Variants in EYS observed in about 807,000 individuals in gnomAD.
EYS encodes the protein EGF-like photoreceptor maintenance factor, also known as protein eyes shut homolog.
EYS carries 250 observed loss-of-function variants against 282.1 expected under a neutral mutation model. The observed-to-expected ratio is 0.89, with a 90% CI of 0.80 to 0.98. The LOEUF (loss-of-function observed/expected upper bound fraction) is 0.98, where lower values mean the gene tolerates loss of function less well. Among genes scored for constraint, EYS ranks in the 50% least tolerant of loss-of-function variants. EYS has a pLI of 0.00. For missense variants in EYS, 4,016 were observed against 3,709.0 expected (o/e 1.08, Z -2.15); for synonymous variants, 1,355 against 1,282.9 (o/e 1.06, Z -1.20).
intron 12 of EYS, among the ~76,000 whole-genome samples, chr6:65,095,920 C>T (rs970662728): frequency 6.6e-6 from 1 of 150,848 alleles, no homozygotes; most frequent in Admixed American, 6.6e-5. Context: ...AACTTCCATT[C>T]AACATAGTAC....
intron 22 of EYS, among the ~76,000 whole-genome samples, chr6:64,792,278 GAAT>G (rs1365657368): frequency 6.6e-6 from 1 of 151,890 alleles, no homozygotes; most frequent in Non-Finnish European, 1.5e-5. Flanking sequence ...ATGGTAAGAA[GAAT>G]GTGTCTGTAA....
chr6:63,721,726 T>C lies in EYS; in HGVS notation c.8305A>G (p.Ile2769Val). 1 of 1,550,976 alleles carries C rather than the reference T, an allele frequency of 6.4e-7. No individual in the cohort carries two copies. Among genetic ancestry groups the C allele is most frequent in the Non-Finnish European group, 8.7e-7 (1 of 1,146,322 alleles). ...GTTACTTTTTGGAGAGTTTCTAGAA[T>C]GATAGTTCTGTCGCCAAGGTTGTAG... ...LRYNLGDRTI[I>V]LETLQKVTIN... is the part of the protein sequence containing the mutation. Residue 2769 changes from isoleucine to valine, a missense_variant, in exon 43 of 43, where the codon ATT becomes GTT. Physicochemically the swap from Ile to Val is conservative, Grantham distance 29. Transcript: ENST00000503581.
At chr6:64,164,238 A>G (rs1775197948) in intron 31 of EYS, among the ~76,000 whole-genome samples, 1 of 152,012 alleles carries the variant, frequency 6.6e-6, no homozygotes, top group South Asian at 2.1e-4. Context: ...CCCAGCACAG[A>G]GTTTGTTTTT....
At chr6:63,812,963 T>G (rs1279142797) in intron 36 of EYS, among the ~76,000 whole-genome samples, 1 of 152,172 alleles carries the variant, frequency 6.6e-6, no homozygotes, top group African/African-American at 2.4e-5. Context: ...ACCCCTAACC[T>G]GACAAATCAG....
chr6:64,530,613 CTT>C lies in EYS; in HGVS notation c.5644+59608_5644+59609del, dbSNP rs772133273. ...TATTTTTCTAAGTTAAAAAGCATCA[CTT>C]GATATAAAAATATTAACTAATGACT... On this transcript the variant is annotated intron_variant, in intron 26 of 42. Coordinates refer to ENST00000503581, the MANE Select transcript of EYS (RefSeq NM_001142800.2). Among the ~76,000 whole-genome samples, 3 of 151,970 alleles carry C rather than the reference CTT, an allele frequency of 2.0e-5. No homozygotes were observed. The South Asian group carries it at 6.2e-4, about 31-fold the overall frequency.
At chr6:64,537,576 C>G (rs2149797073) in intron 26 of EYS, among the ~76,000 whole-genome samples, 1 of 152,226 alleles carries the variant, frequency 6.6e-6, no homozygotes, top group African/African-American at 2.4e-5. Context: ...ATTTATCGCC[C>G]TAATATTTAA....
intron 22 of EYS, among the ~76,000 whole-genome samples, chr6:64,773,029 T>C (rs1187705656): frequency 6.6e-6 from 1 of 151,762 alleles, no homozygotes; most frequent in Non-Finnish European, 1.5e-5. Context: ...GTTTGTTACA[T>C]GGATAATTTG....
chr6:64,734,709 C>T (rs909053558), intron 22 of EYS, among the ~76,000 whole-genome samples: 1 of 152,112 alleles, frequency 6.6e-6, no homozygotes, highest in Non-Finnish European at 1.5e-5. Flanking sequence ...TATATGCTCG[C>T]ACATGTGTCC....
chr6:65,524,318 G>A (rs1362975011), intron 2 of EYS, among the ~76,000 whole-genome samples: 1 of 152,128 alleles, frequency 6.6e-6, no homozygotes, highest in African/African-American at 2.4e-5. Flanking sequence ...TAATTGTTGT[G>A]TCTCCTGGTG....
chr6:65,322,492 C>A (rs1290879969), intron 11 of EYS, among the ~76,000 whole-genome samples: 1 of 151,990 alleles, frequency 6.6e-6, no homozygotes, highest in Non-Finnish European at 1.5e-5. Context: ...ATGCGACCAG[C>A]AGGGTGTAAG....
chr6:65,502,889 G>C (rs563972034), intron 2 of EYS, among the ~76,000 whole-genome samples: 1 of 151,706 alleles, frequency 6.6e-6, no homozygotes, highest in African/African-American at 2.4e-5. Flanking sequence ...ACATCATATG[G>C]TATATAAGTA....
intron 31 of EYS, among the ~76,000 whole-genome samples, chr6:64,139,407 A>G (rs958541833): frequency 6.6e-6 from 1 of 152,182 alleles, no homozygotes; most frequent in Non-Finnish European, 1.5e-5. Flanking sequence ...GTTGATTACC[A>G]TGTTCAGCAG....
intron 19 of EYS, among the ~76,000 whole-genome samples, chr6:64,855,126 T>C (rs1766014889): frequency 6.6e-6 from 1 of 152,010 alleles, no homozygotes; most frequent in Admixed American, 6.6e-5. Flanking sequence ...TATTTTTATT[T>C]AGCACTCTGT....
chr6:64,272,719 A>G (rs1269544425), intron 30 of EYS, among the ~76,000 whole-genome samples: 1 of 152,154 alleles, frequency 6.6e-6, no homozygotes, highest in Non-Finnish European at 1.5e-5. Flanking sequence ...ATGTGTATTA[A>G]TATTATGTAC....
At chr6:64,134,312 A>G (rs1053509292) in intron 31 of EYS, among the ~76,000 whole-genome samples, 4 of 152,058 alleles carry the variant, frequency 2.6e-5, no homozygotes, top group African/African-American at 9.7e-5. Flanking sequence ...AGAATAATAA[A>G]GCTGGTGGAA....
At chr6:63,743,461 T>C (rs184710052) in intron 41 of EYS, among the ~76,000 whole-genome samples, 2 of 152,330 alleles carry the variant, frequency 1.3e-5, no homozygotes, top group Admixed American at 6.5e-5. Context: ...AGAATGGTGA[T>C]GTCTGCCAGA....
At chr6:65,485,277 A>T (rs1562213498) in intron 5 of EYS, among the ~76,000 whole-genome samples, 1 of 152,218 alleles carries the variant, frequency 6.6e-6, no homozygotes, top group African/African-American at 2.4e-5. Context: ...ATCTACTTTT[A>T]AAAATGTTAG....
At chr6:64,913,442 T>C (rs1295230713) in intron 15 of EYS, among the ~76,000 whole-genome samples, 1 of 152,078 alleles carries the variant, frequency 6.6e-6, no homozygotes, top group Non-Finnish European at 1.5e-5. Flanking sequence ...CAGCCTCTAT[T>C]GTTTCCATCT....
intron 1 of EYS, among the ~76,000 whole-genome samples, chr6:65,663,413 T>G (rs1768074665): frequency 6.6e-6 from 1 of 151,976 alleles, no homozygotes; most frequent in African/African-American, 2.4e-5. Flanking sequence ...TATAGTCCCA[T>G]TTACAAAAAG....
Sources: gnomAD v4.1 joint callset for allele counts (sites outside exome capture counted in the v4.1 genomes callset) on GRCh38, gnomAD v4.1.1 for gene constraint, MANE v1.5 for transcripts, NCBI Gene and HGNC (gene_info 2026-07-23, HGNC 2026-07-21) for gene names.